TBCK: variants seen among roughly 807,000 people sequenced by gnomAD.
TBCK encodes the protein TBC domain-containing protein kinase-like protein.
Under a neutral mutation model 113.4 loss-of-function variants are expected in TBCK, and 99 were observed. The ratio of observed to expected loss-of-function variants is 0.87; its 90% CI spans 0.74 to 1.03. TBCK has a LOEUF of 1.03. Ranked by LOEUF, TBCK falls within the 50% of genes least tolerant of loss-of-function variation. The pLI is 0.00. For synonymous variants in TBCK, 369 were observed against 370.8 expected (o/e 1.00, Z 0.05); for missense variants, 1,045 against 1,061.3 (o/e 0.98, Z 0.21).
intron 3 of TBCK, among the ~76,000 whole-genome samples, chr4:106,264,568 T>G (rs1018829710): frequency 9.9e-5 from 15 of 152,090 alleles, no homozygotes; most frequent in African/African-American, 3.6e-4. Flanking sequence ...TGGGAAGTGA[T>G]TGGCACATTG....
intron 25 of TBCK, among the ~76,000 whole-genome samples, chr4:106,053,033 C>A (rs1319899621): frequency 6.6e-6 from 1 of 151,672 alleles, no homozygotes; most frequent in Non-Finnish European, 1.5e-5. Flanking sequence ...AAAATATAAT[C>A]AAATATTCAG....
At chr4:106,148,144 A>C (rs961686653) in intron 23 of TBCK, among the ~76,000 whole-genome samples, 7 of 152,214 alleles carry the variant, frequency 4.6e-5, no homozygotes, top group African/African-American at 1.7e-4. Context: ...ATCAATGACA[A>C]TGGTGCCCGA....
intron 14 of TBCK, among the ~76,000 whole-genome samples, chr4:106,235,882 G>C (rs950763379): frequency 5.3e-5 from 8 of 152,028 alleles, no homozygotes; most frequent in African/African-American, 1.7e-4. Flanking sequence ...TAAGGTTCTT[G>C]ATATATGCAT....
At chr4:106,247,713 T>A in intron 9 of TBCK, 1 of 157,158 alleles carries the variant, frequency 6.4e-6, no homozygotes, top group East Asian at 1.9e-4. Flanking sequence ...TTGATAAAGT[T>A]GTTTTTCTAA....
chr4:106,302,763 T>C (rs1767079256), intron 2 of TBCK, among the ~76,000 whole-genome samples: 1 of 152,224 alleles, frequency 6.6e-6, no homozygotes, highest in Non-Finnish European at 1.5e-5. Context: ...CTTTAGAATC[T>C]GTAGCTGGAT....
chr4:106,200,899 A>C (rs1754805886), intron 20 of TBCK, among the ~76,000 whole-genome samples: 1 of 152,126 alleles, frequency 6.6e-6, no homozygotes, highest in South Asian at 2.1e-4. Flanking sequence ...TTTCTTAAGA[A>C]GTTTTCAACA....
rs1209357768 is a variant in TBCK, at chr4:106,248,324, A to G, written c.721-18T>C. On this transcript the variant is annotated intron_variant, in intron 8 of 25. Transcript: ENST00000394708. ...GGAAGCTCCTGGTAAATAAAGAGAG[A>G]AAATAATTAATTAAAATGATCAATT... 6 of 1,498,244 alleles carry G rather than the reference A, an allele frequency of 4.0e-6. No homozygotes were observed. Among genetic ancestry groups the G allele is most frequent in the Non-Finnish European group, 2.7e-6 (3 of 1,096,094 alleles). 92.8% of individuals were successfully genotyped at this position (1,498,244 alleles called of 1,614,324 possible). A position where few individuals can be genotyped will look rare whatever the true frequency, so the allele number is the denominator to read the frequency against.
chr4:106,175,700 A>G (rs919485942), intron 22 of TBCK, among the ~76,000 whole-genome samples: 1 of 152,084 alleles, frequency 6.6e-6, no homozygotes, highest in Non-Finnish European at 1.5e-5. Flanking sequence ...AAAATTTGAC[A>G]AAGTAAAAAT....
At chr4:106,059,649 A>G (rs1383019255) in intron 25 of TBCK, among the ~76,000 whole-genome samples, 1 of 151,750 alleles carries the variant, frequency 6.6e-6, no homozygotes, top group African/African-American at 2.4e-5. Context: ...AATATTAAAA[A>G]TATTAAAATT....
At chr4:106,311,777 G>T (rs1561008959) in intron 1 of TBCK, among the ~76,000 whole-genome samples, 2 of 151,884 alleles carry the variant, frequency 1.3e-5, no homozygotes, top group African/African-American at 2.4e-5. Context: ...ATAATTAAAA[G>T]AATTTAAATA....
intron 2 of TBCK, among the ~76,000 whole-genome samples, chr4:106,298,152 T>C (rs917565118): frequency 1.3e-5 from 2 of 152,118 alleles, no homozygotes; most frequent in Non-Finnish European, 2.9e-5. Flanking sequence ...ATTCTTATTT[T>C]GGTCCAGCCA....
At chr4:106,197,338 AAG>A (rs1491140542) in intron 20 of TBCK, among the ~76,000 whole-genome samples, 3 of 95,708 alleles carry the variant, frequency 3.1e-5, no homozygotes, top group African/African-American at 1.0e-4. Context: ...CTAATTACTG[AAG>A]AGTGTGTGTG....
chr4:106,198,669 T>C (rs1454274060), intron 20 of TBCK, among the ~76,000 whole-genome samples: 1 of 152,162 alleles, frequency 6.6e-6, no homozygotes, highest in Non-Finnish European at 1.5e-5. Flanking sequence ...ATCATTTTTA[T>C]ATTATAATTA....
intron 25 of TBCK, among the ~76,000 whole-genome samples, chr4:106,056,942 C>T (rs1190781310): frequency 6.6e-6 from 1 of 151,792 alleles, no homozygotes; most frequent in Non-Finnish European, 1.5e-5. Context: ...CACTTGCTTA[C>T]TCCTAATACA....
At chr4:106,088,709 T>A (rs1578858083) in intron 25 of TBCK, among the ~76,000 whole-genome samples, 1 of 151,862 alleles carries the variant, frequency 6.6e-6, no homozygotes, top group African/African-American at 2.4e-5. Context: ...AAATCTGGAA[T>A]AAAACTGGAT....
rs1760244996 is a variant in TBCK, at chr4:106,242,395, A to G, written c.1170+75T>C. ...TTTTGTGAAATCAAAGAGGCATACA[A>G]GATTTCTTGTGTATCTGTAAGGTTT... is the stretch of plus-strand genomic sequence containing the variant. On this transcript the variant is annotated intron_variant, in intron 12 of 25. Transcript: ENST00000394708. 8 of 1,097,782 alleles carry G rather than the reference A, an allele frequency of 7.3e-6. No individual in the cohort carries two copies. The South Asian group carries it at 1.3e-4, about 18-fold the overall frequency. The allele number at this position is 1,097,782 out of a possible 1,614,324, so 68.0% of individuals were successfully genotyped here.
rs547860118 is a variant in TBCK at position 106,067,469 on chromosome 4, C to T, written c.2572-20789G>A. Reference sequence around the variant, plus strand: ...CCATTTTATGGGTTGTCTTTTCACTCTCTTCAAAGTGTCCTTTGAAGCACA... The same window carrying T: ...CCATTTTATGGGTTGTCTTTTCACTTTCTTCAAAGTGTCCTTTGAAGCACA... On this transcript the variant is annotated intron_variant, in intron 25 of 25. Coordinates refer to ENST00000394708, the MANE Select transcript of TBCK (RefSeq NM_001163435.3). Among the ~76,000 whole-genome samples the T allele has an allele frequency of 6.6e-5, 10 of 152,236 alleles. No homozygotes were observed. In the South Asian group the frequency reaches 2.1e-3, roughly 32 times the overall value.
In TBCK at chr4:106,247,818, A is replaced by G. The variant is rs144515347; in HGVS notation, c.782+427T>C. On this transcript the variant is annotated intron_variant, in intron 9 of 25. Coordinates refer to ENST00000394708, the MANE Select transcript of TBCK (RefSeq NM_001163435.3). ...TAGTGACATCATCAAGTCAAAGTCA[A>G]TTAATGAAACTTCTAAGAAATCCTT... The G allele has an allele frequency of 3.6e-3, 562 of 155,736 alleles. 2 individuals carry two copies. The highest frequency in any genetic ancestry group is 0.013 in the African/African-American group (539 of 41,670). The allele number at this position is 155,736 out of a possible 1,614,324, so 9.6% of individuals were successfully genotyped here.
At chr4:106,080,960 C>A (rs1471639078) in intron 25 of TBCK, among the ~76,000 whole-genome samples, 1 of 152,168 alleles carries the variant, frequency 6.6e-6, no homozygotes, top group Non-Finnish European at 1.5e-5. Context: ...CAAATTAAAA[C>A]CTCAATGAGA....
Sources: allele counts gnomAD v4.1 joint callset (sites outside exome capture counted in the v4.1 genomes callset), GRCh38; gene constraint gnomAD v4.1.1; transcripts MANE v1.5; gene names NCBI Gene and HGNC (gene_info 2026-07-23, HGNC 2026-07-21).